Variants in UNC13C observed in about 807,000 individuals in gnomAD.
The protein encoded by UNC13C is protein unc-13 homolog C.
In UNC13C, 174 loss-of-function variants were observed where a neutral mutation model predicts 245.4. That is an observed-to-expected ratio of 0.71 (90% CI 0.63 to 0.80). The LOEUF is 0.80. Ranked by LOEUF, UNC13C falls within the 30% of genes least tolerant of loss-of-function variation. The pLI is 0.00. For missense variants in UNC13C, 2,829 were observed against 2,602.9 expected (o/e 1.09, Z -1.89); for synonymous variants, 992 against 895.1 (o/e 1.11, Z -1.93).
intron 1 of UNC13C, among the ~76,000 whole-genome samples, chr15:53,985,861 C>G: frequency 6.6e-6 from 1 of 152,002 alleles, no homozygotes; most frequent in East Asian, 1.9e-4. Flanking sequence ...GTGTGTATCC[C>G]TTATCCTTCC....
At chr15:54,486,585 T>C (rs2141073633) in intron 19 of UNC13C, among the ~76,000 whole-genome samples, 1 of 152,336 alleles carries the variant, frequency 6.6e-6, no homozygotes, top group South Asian at 2.1e-4. Flanking sequence ...ATATACTTTG[T>C]ACTATATTTA....
At chr15:54,594,910 C>T (rs968645751) in intron 30 of UNC13C, among the ~76,000 whole-genome samples, 2 of 152,352 alleles carry the variant, frequency 1.3e-5, no homozygotes, top group South Asian at 2.1e-4. Flanking sequence ...ACCGGAGCAT[C>T]GGAGGCTTGC....
intron 17 of UNC13C, among the ~76,000 whole-genome samples, chr15:54,381,369 A>T (rs1395070274): frequency 6.6e-6 from 1 of 152,060 alleles, no homozygotes; most frequent in Non-Finnish European, 1.5e-5. Flanking sequence ...GTATATTTTG[A>T]AGTCAGGTAG....
chr15:54,469,256 A>G (rs1892331424), intron 19 of UNC13C, among the ~76,000 whole-genome samples: 2 of 151,524 alleles, frequency 1.3e-5, no homozygotes, highest in African/African-American at 4.8e-5. Flanking sequence ...AAATGATACT[A>G]ATTTTCATAA....
intron 1 of UNC13C, among the ~76,000 whole-genome samples, chr15:53,993,348 T>C (rs1894474683): frequency 1.3e-5 from 2 of 152,028 alleles, no homozygotes; most frequent in South Asian, 4.1e-4. Flanking sequence ...ATTGGATGTA[T>C]AAAGCAGCAG....
intron 2 of UNC13C, among the ~76,000 whole-genome samples, chr15:54,141,979 T>A (rs1232162086): frequency 6.6e-6 from 1 of 152,168 alleles, no homozygotes; most frequent in East Asian, 1.9e-4. Flanking sequence ...TTTCCATTGC[T>A]CATTTATATA....
intron 19 of UNC13C, among the ~76,000 whole-genome samples, chr15:54,459,338 A>T (rs1158795065): frequency 6.6e-6 from 1 of 152,066 alleles, no homozygotes; most frequent in Admixed American, 6.5e-5. Context: ...TCTTTCCTTC[A>T]TCTTGACTTT....
At chr15:53,894,707 T>A in the UNC13C span, among the ~76,000 whole-genome samples, 4 of 152,368 alleles carry the variant, frequency 2.6e-5, no homozygotes, top group African/African-American at 7.2e-5. Flanking sequence ...GGTTGGGTTT[T>A]GTTTTAATTA....
intron 2 of UNC13C, among the ~76,000 whole-genome samples, chr15:54,115,119 TTGTAA>T (rs1304781789): frequency 1.3e-5 from 2 of 152,114 alleles, no homozygotes; most frequent in African/African-American, 4.8e-5. Flanking sequence ...ATATTTTTAC[TTGTAA>T]TGTGCTTAAG....
chr15:54,182,045 C>T (rs1389763329), intron 4 of UNC13C, among the ~76,000 whole-genome samples: 1 of 148,064 alleles, frequency 6.8e-6, no homozygotes, highest in African/African-American at 2.6e-5. Context: ...TGCCTGATTA[C>T]TCTGACCAGG....
intron 17 of UNC13C, among the ~76,000 whole-genome samples, chr15:54,356,924 A>G (rs909681991): frequency 1.1e-4 from 17 of 152,012 alleles, no homozygotes; most frequent in Non-Finnish European, 2.4e-4. Context: ...AGTTTTCTTC[A>G]TTTTTTATTG....
intron 8 of UNC13C, among the ~76,000 whole-genome samples, chr15:54,263,097 T>C (rs2036467720): frequency 2.0e-5 from 3 of 152,120 alleles, no homozygotes; most frequent in South Asian, 4.1e-4. Context: ...ATCTCAGAAA[T>C]ATAATAGTTC....
intron 19 of UNC13C, among the ~76,000 whole-genome samples, chr15:54,435,757 A>T (rs200502899): frequency 1.1e-5 from 1 of 94,400 alleles, no homozygotes; most frequent in Non-Finnish European, 2.3e-5. Context: ...ATAAATAAAA[A>T]TAAAAAAAGA....
intron 30 of UNC13C, among the ~76,000 whole-genome samples, chr15:54,580,803 T>C (rs1428380479): frequency 5.9e-5 from 9 of 152,176 alleles, no homozygotes; most frequent in Non-Finnish European, 8.8e-5. Flanking sequence ...AGTAAGCCAG[T>C]AATCACGTGT....
intron 2 of UNC13C, among the ~76,000 whole-genome samples, chr15:54,079,192 G>T: frequency 6.6e-6 from 1 of 151,930 alleles, no homozygotes; most frequent in South Asian, 2.1e-4. Flanking sequence ...GTACTTGTAC[G>T]ATGTTCCTTT....
intron 19 of UNC13C, among the ~76,000 whole-genome samples, chr15:54,455,203 CTCTATATATATATATATA>C (rs1891429518): frequency 3.7e-5 from 1 of 27,324 alleles, no homozygotes. Flanking sequence ...CTCTCTCTCT[CTCTATATATATATATATA>C]TATATATATA....
chr15:54,240,816 C>T (rs149965282), intron 7 of UNC13C, among the ~76,000 whole-genome samples: 13 of 152,304 alleles, frequency 8.5e-5, no homozygotes, highest in South Asian at 2.1e-4. Flanking sequence ...CCTAGCACTC[C>T]GCTATCCATC....
intron 17 of UNC13C, among the ~76,000 whole-genome samples, chr15:54,374,968 C>T (rs142860120): frequency 3.9e-5 from 6 of 152,284 alleles, no homozygotes; most frequent in Admixed American, 3.9e-4. Flanking sequence ...ATAAATAAAC[C>T]ACAGTTTACT....
At chr15:54,212,604 C>G (rs554055694) in intron 4 of UNC13C, among the ~76,000 whole-genome samples, 6 of 152,166 alleles carry the variant, frequency 3.9e-5, no homozygotes, top group East Asian at 1.9e-4. Flanking sequence ...GCCAGCACAA[C>G]CAAATATCCC....
Sources: allele counts gnomAD v4.1 joint callset (sites outside exome capture counted in the v4.1 genomes callset), GRCh38; gene constraint gnomAD v4.1.1; transcripts MANE v1.5; gene names NCBI Gene and HGNC (gene_info 2026-07-23, HGNC 2026-07-21).